CDH12: variants seen among roughly 807,000 people sequenced by gnomAD.
The protein encoded by CDH12 is cadherin 12, also known as cadherin-12.
CDH12 carries 41 observed loss-of-function variants against 74.1 expected under a neutral mutation model. The observed-to-expected ratio is 0.55, with a 90% CI of 0.43 to 0.72. CDH12 has a LOEUF of 0.72. CDH12 is among the 30% of genes least tolerant of loss of function. The pLI, the probability that CDH12 is intolerant of heterozygous loss-of-function variation, is 0.00. For missense variants in CDH12, 945 were observed against 977.2 expected (o/e 0.97, Z 0.44); for synonymous variants, 399 against 355.0 (o/e 1.12, Z -1.39).
At chr5:21,815,592 T>C (rs1252856363) in intron 9 of CDH12, among the ~76,000 whole-genome samples, 2 of 152,220 alleles carry the variant, frequency 1.3e-5, no homozygotes, top group Non-Finnish European at 2.9e-5. Context: ...AATCCATATG[T>C]CATTACTAAA....
At chr5:22,254,479 ATCT>A (rs1753247244) in intron 3 of CDH12, among the ~76,000 whole-genome samples, 2 of 151,776 alleles carry the variant, frequency 1.3e-5, no homozygotes, top group South Asian at 2.1e-4. Context: ...TGAGTTTTAG[ATCT>A]TCTTATTTCT....
chr5:21,774,682 A>T (rs1745493412), intron 11 of CDH12, among the ~76,000 whole-genome samples: 1 of 152,184 alleles, frequency 6.6e-6, no homozygotes, highest in Admixed American at 6.6e-5. Context: ...ACTTGGGAAA[A>T]AGAAAGGAAA....
intron 8 of CDH12, among the ~76,000 whole-genome samples, chr5:21,826,496 T>C (rs966152774): frequency 1.3e-5 from 2 of 152,150 alleles, no homozygotes; most frequent in South Asian, 2.1e-4. Flanking sequence ...CACAGACTCA[T>C]ACTTCTTTTC....
At chr5:22,109,188 G>A (rs561699777) in intron 4 of CDH12, among the ~76,000 whole-genome samples, 5 of 152,218 alleles carry the variant, frequency 3.3e-5, no homozygotes, top group South Asian at 4.1e-4. Flanking sequence ...CTGCAAATGC[G>A]GTACTAACTG....
chr5:22,349,500 T>C (rs1457792741), intron 3 of CDH12, among the ~76,000 whole-genome samples: 1 of 152,228 alleles, frequency 6.6e-6, no homozygotes, highest in African/African-American at 2.4e-5. Flanking sequence ...TCAGTGGCTA[T>C]AATACTTACT....
chr5:22,074,776 G>A (rs1480102606), intron 5 of CDH12, among the ~76,000 whole-genome samples: 2 of 152,080 alleles, frequency 1.3e-5, no homozygotes, highest in African/African-American at 4.8e-5. Context: ...TCTCACACCA[G>A]TTAGAATGGC....
At position 21,765,725 on chromosome 5, in the gene CDH12, T is replaced by C. The variant is rs575771816; in HGVS notation, c.1394-626A>G. 2.6e-5 allele frequency among the ~76,000 whole-genome samples: 4 copies of C among 152,228 alleles called. No individual in the cohort carries two copies. The South Asian group carries it at 8.3e-4, about 32-fold the overall frequency. ...ACTTACTTCTTCCTACTTCCTAGTA[T>C]CAGAAAGACTGTCAGTTTGACAAGA... On this transcript the variant is annotated intron_variant, in intron 11 of 14. Transcript: ENST00000382254.
chr5:22,036,592 C>T (rs1453373079), intron 5 of CDH12, among the ~76,000 whole-genome samples: 1 of 152,014 alleles, frequency 6.6e-6, no homozygotes, highest in East Asian at 1.9e-4. Flanking sequence ...GTGTGTTTTG[C>T]CAAGAGTTAT....
intron 1 of CDH12, among the ~76,000 whole-genome samples, chr5:22,618,382 C>T (rs1737794026): frequency 6.6e-6 from 1 of 152,108 alleles, no homozygotes; most frequent in African/African-American, 2.4e-5. Context: ...CCTACAGTAG[C>T]TTTAATCAGA....
intron 3 of CDH12, among the ~76,000 whole-genome samples, chr5:22,309,533 A>G (rs1264068044): frequency 1.3e-5 from 2 of 152,166 alleles, no homozygotes; most frequent in Non-Finnish European, 2.9e-5. Flanking sequence ...AGTGATTACT[A>G]CAATAAAACC....
At chr5:22,408,344 T>A (rs893044942) in intron 2 of CDH12, among the ~76,000 whole-genome samples, 2 of 151,772 alleles carry the variant, frequency 1.3e-5, no homozygotes, top group African/African-American at 4.8e-5. Context: ...CACAAAAGGA[T>A]CCTAAATAAG....
At chr5:22,563,259 G>A (rs1038450177) in intron 1 of CDH12, among the ~76,000 whole-genome samples, 3 of 151,802 alleles carry the variant, frequency 2.0e-5, no homozygotes, top group Admixed American at 6.6e-5. Flanking sequence ...CTGTCTTTTT[G>A]ATAAAAGTTA....
intron 1 of CDH12, among the ~76,000 whole-genome samples, chr5:22,834,916 G>T (rs1736758421): frequency 6.6e-6 from 1 of 152,020 alleles, no homozygotes; most frequent in Non-Finnish European, 1.5e-5. Flanking sequence ...TGAGGAAGGA[G>T]AGTAGAGAGG....
chr5:22,263,212 G>A (rs866105339), intron 3 of CDH12, among the ~76,000 whole-genome samples: 8 of 152,164 alleles, frequency 5.3e-5, no homozygotes, highest in Middle Eastern at 3.4e-3. Flanking sequence ...CAGAAATTAA[G>A]GCTTTGGGAA....
chr5:22,337,792 C>A (rs1739658282), intron 3 of CDH12, among the ~76,000 whole-genome samples: 1 of 152,154 alleles, frequency 6.6e-6, no homozygotes, highest in Non-Finnish European at 1.5e-5. Flanking sequence ...AGAACATATA[C>A]AATTTGCAAA....
chr5:21,914,965 A>C (rs962252890), intron 6 of CDH12, among the ~76,000 whole-genome samples: 1 of 152,206 alleles, frequency 6.6e-6, no homozygotes. Context: ...AAATGCAGAC[A>C]GAATGTGAGA....
chr5:21,981,889 G>C (rs1003574457), intron 5 of CDH12, among the ~76,000 whole-genome samples: 2 of 152,044 alleles, frequency 1.3e-5, no homozygotes, highest in African/African-American at 4.8e-5. Flanking sequence ...ACCCAGGCTG[G>C]TCTCAAACTT....
chr5:22,848,711 T>C (rs1262058291), intron 1 of CDH12, among the ~76,000 whole-genome samples: 1 of 152,202 alleles, frequency 6.6e-6, no homozygotes, highest in Non-Finnish European at 1.5e-5. Flanking sequence ...TTCTTCAGTG[T>C]GTAACTCTAG....
chr5:22,038,497 G>A (rs1392097439), intron 5 of CDH12, among the ~76,000 whole-genome samples: 1 of 152,146 alleles, frequency 6.6e-6, no homozygotes, highest in African/African-American at 2.4e-5. Flanking sequence ...CAAAGAAACG[G>A]TGCCATGGTG....
Sources: allele counts gnomAD v4.1 joint callset (sites outside exome capture counted in the v4.1 genomes callset), GRCh38; gene constraint gnomAD v4.1.1; transcripts MANE v1.5; gene names NCBI Gene and HGNC (gene_info 2026-07-23, HGNC 2026-07-21).